The following RYR2 variants were observed in gnomAD, a reference collection of about 807,000 sequenced individuals.
RYR2 encodes ryanodine receptor 2.
In RYR2, 227 loss-of-function variants were observed where a neutral mutation model predicts 601.1. The ratio of observed to expected loss-of-function variants is 0.38; its 90% CI spans 0.34 to 0.42. RYR2 has a LOEUF of 0.42. RYR2 is among the 10% of genes least tolerant of loss of function. The pLI, the probability that RYR2 is intolerant of heterozygous loss-of-function variation, is 1.00. For missense variants in RYR2, 4,646 were observed against 6,156.5 expected (o/e 0.75, Z 8.21); for synonymous variants, 2,223 against 2,175.1 (o/e 1.02, Z -0.61).
At position 237,798,145 on chromosome 1, in the gene RYR2, A is replaced by G. The variant is rs1416663236; in HGVS notation, c.14065A>G (p.Lys4689Glu). 6.2e-7 allele frequency: 1 copy of G among 1,612,478 alleles called. No homozygotes were observed. The highest frequency in any genetic ancestry group is 1.7e-5 in the Admixed American group (1 of 59,886). The change falls in exon 97 of 105, where the codon AAG (lysine) becomes GAG (glutamate). Residue 4689 changes from lysine (K) to glutamate (E), a missense_variant. Lys to Glu is a moderately conservative substitution (Grantham distance 56, BLOSUM62 1). Coordinates refer to ENST00000366574, the MANE Select transcript of RYR2 (RefSeq NM_001035.3). The part of the protein sequence containing the change: ...FSDAREKKKP[K>E]KDSSLSAVLN... ...TGATGCCAGAGAAAAGAAGAAGCCAAAGAAAGACAGCTCCTTATCAGCTGT... is the reference window on the plus strand; with the variant it reads ...TGATGCCAGAGAAAAGAAGAAGCCAGAGAAAGACAGCTCCTTATCAGCTGT...
At chr1:237,808,069 G>A (rs1660841087) in intron 99 of RYR2, among the ~76,000 whole-genome samples, 1 of 152,142 alleles carries the variant, frequency 6.6e-6, no homozygotes, top group African/African-American at 2.4e-5. Flanking sequence ...ACATAGAGCT[G>A]AAAGACCTTT....
chr1:237,498,146 G>A (rs1366454383), intron 20 of RYR2, among the ~76,000 whole-genome samples: 1 of 152,080 alleles, frequency 6.6e-6, no homozygotes, highest in African/African-American at 2.4e-5. Flanking sequence ...GATTACAAGT[G>A]TGAGCCACCG....
At chr1:237,408,213 T>C (rs188603109) in intron 10 of RYR2, among the ~76,000 whole-genome samples, 39 of 152,138 alleles carry the variant, frequency 2.6e-4, no homozygotes, top group Non-Finnish European at 4.7e-4. Context: ...GGCCTATGGT[T>C]CATTTTGACC....
At chr1:237,414,068 G>A (rs1704698964) in intron 10 of RYR2, among the ~76,000 whole-genome samples, 1 of 152,018 alleles carries the variant, frequency 6.6e-6, no homozygotes, top group Admixed American at 6.6e-5. Context: ...AATACGATGA[G>A]TAAAAGTCTT....
chr1:237,313,205 T>C (rs1327449169), intron 2 of RYR2, among the ~76,000 whole-genome samples: 1 of 150,084 alleles, frequency 6.7e-6, no homozygotes, highest in Non-Finnish European at 1.5e-5. Context: ...TGCAAATGTG[T>C]GTTCAAATAT....
chr1:237,113,354 A>C (rs1045551295), intron 1 of RYR2, among the ~76,000 whole-genome samples: 1 of 151,720 alleles, frequency 6.6e-6, no homozygotes, highest in Non-Finnish European at 1.5e-5. Flanking sequence ...GTGCGCCACC[A>C]TGCTTGGCTA....
At chr1:237,641,670 T>G (rs1411374636) in intron 47 of RYR2, among the ~76,000 whole-genome samples, 1 of 152,046 alleles carries the variant, frequency 6.6e-6, no homozygotes, top group Non-Finnish European at 1.5e-5. Flanking sequence ...GCCTCCTGAG[T>G]AGCTGGGACT....
At chr1:237,242,198 T>TTTTG (rs55825600) in intron 1 of RYR2, among the ~76,000 whole-genome samples, 6 of 150,608 alleles carry the variant, frequency 4.0e-5, no homozygotes, top group African/African-American at 9.8e-5. Context: ...TCACTGTTTT[T>TTTTG]TTTGTTTGTT....
At chr1:237,662,355 T>C (rs935230041) in intron 56 of RYR2, among the ~76,000 whole-genome samples, 9 of 151,988 alleles carry the variant, frequency 5.9e-5, no homozygotes, top group African/African-American at 2.2e-4. Flanking sequence ...AATACAAAGA[T>C]AGCAAGACAA....
Position 237,793,903 on chromosome 1 carries a change from G to A in RYR2, c.13819G>A (p.Ala4607Thr). 1 of 1,610,670 alleles carries A rather than the reference G, an allele frequency of 6.2e-7. No homozygotes were observed. The highest frequency in any genetic ancestry group is 8.5e-7 in the Non-Finnish European group (1 of 1,177,084). The change falls in exon 95 of 105, where the codon GCA (alanine) becomes ACA (threonine). Residue 4607 changes from alanine to threonine, a missense_variant. Around this residue, in one of 17 missense-constraint regions of RYR2, gnomAD observed 37 missense variants for 102.8 expected, o/e 0.36. Transcript: ENST00000366574. Reference protein sequence around the residue: ...LVIFKREKEVARKLEFDGLYI... With the variant: ...LVIFKREKEVTRKLEFDGLYI... ...TATTTTTAAGCGAGAAAAGGAAGTG[G>A]CACGGAAATTGGAATTTGATGGGCT...
At chr1:237,625,607 G>T in intron 39 of RYR2, 54 bp from the exon 40 acceptor site, 4 of 1,556,628 alleles carry the variant, frequency 2.6e-6, no homozygotes, top group African/African-American at 1.4e-5. Context: ...AGAATTATTT[G>T]CCCAAGTGTA....
At chr1:237,211,651 C>T (rs1682585671) in intron 1 of RYR2, among the ~76,000 whole-genome samples, 2 of 152,328 alleles carry the variant, frequency 1.3e-5, no homozygotes, top group South Asian at 4.1e-4. Flanking sequence ...TTATGCTTTG[C>T]TTTATCATTT....
At chr1:237,331,251 T>A (rs1696681735) in intron 3 of RYR2, among the ~76,000 whole-genome samples, 1 of 152,218 alleles carries the variant, frequency 6.6e-6, no homozygotes, top group African/African-American at 2.4e-5. Flanking sequence ...TTTGAGCGTT[T>A]CTGTGTTTCA....
At chr1:237,108,520 G>T (rs1299096488) in intron 1 of RYR2, among the ~76,000 whole-genome samples, 2 of 152,220 alleles carry the variant, frequency 1.3e-5, no homozygotes, top group Admixed American at 6.5e-5. Flanking sequence ...GCCTGCAGAA[G>T]CTCACAACCA....
intron 3 of RYR2, among the ~76,000 whole-genome samples, chr1:237,332,059 G>C (rs1696798507): frequency 6.6e-6 from 1 of 152,088 alleles, no homozygotes; most frequent in Non-Finnish European, 1.5e-5. Flanking sequence ...AGTATTTCCA[G>C]AGAGAAAACT....
chr1:237,047,989 G>A (rs1218450489), intron 1 of RYR2, among the ~76,000 whole-genome samples: 3 of 152,156 alleles, frequency 2.0e-5, no homozygotes, highest in Non-Finnish European at 4.4e-5. Context: ...TTTTGTAGGA[G>A]AAACCCACCG....
chr1:237,118,340 A>G (rs1670368438), intron 1 of RYR2, among the ~76,000 whole-genome samples: 1 of 151,784 alleles, frequency 6.6e-6, no homozygotes, highest in African/African-American at 2.4e-5. Flanking sequence ...TGTAGTCATT[A>G]TGGCAGCCAC....
At position 237,325,545 on chromosome 1, in the gene RYR2, G is replaced by A. The variant is rs1290528255; in HGVS notation, c.169-5333G>A. On this transcript the variant is annotated intron_variant, in intron 2 of 104. Coordinates refer to ENST00000366574, the MANE Select transcript of RYR2 (RefSeq NM_001035.3). ...CTACTAAAAATACAAAAATTTAGCC[G>A]GGCGTGGTGGCGGGTGCCTGTAGTC... is the stretch of plus-strand genomic sequence containing the variant. Among the ~76,000 whole-genome samples, 16 of 151,948 alleles carry A rather than the reference G, an allele frequency of 1.1e-4. 1 individual carries two copies. The highest frequency in any genetic ancestry group is 8.3e-4 in the South Asian group (4 of 4,804).
At chr1:237,374,863 C>A in intron 7 of RYR2, 68 bp downstream of exon 7, 1 of 1,171,306 alleles carries the variant, frequency 8.5e-7, no homozygotes, top group South Asian at 1.3e-5. Context: ...TGGAAGAAGC[C>A]GGGAAATACG....
Sources: gnomAD v4.1 joint callset for allele counts (sites outside exome capture counted in the v4.1 genomes callset) on GRCh38, gnomAD v4.1.1 for gene constraint, gnomAD v4.1.1 regional missense constraint, MANE v1.5 for transcripts, NCBI Gene and HGNC (gene_info 2026-07-23, HGNC 2026-07-21) for gene names.